TMEFF2: variants seen among roughly 807,000 people sequenced by gnomAD.
TMEFF2 encodes the protein transmembrane protein with EGF like and two follistatin like domains 2, also known as tomoregulin-2.
A neutral mutation model predicts 53.8 loss-of-function variants in TMEFF2; 28 were observed. That is an observed-to-expected ratio of 0.52 (90% CI 0.39 to 0.71). The LOEUF (loss-of-function observed/expected upper bound fraction) is 0.71. Among genes scored for constraint, TMEFF2 ranks in the 30% least tolerant of loss-of-function variants. The pLI is 0.00. For missense variants in TMEFF2, 353 were observed against 455.2 expected (o/e 0.78, Z 2.04); for synonymous variants, 162 against 166.3 (o/e 0.97, Z 0.20).
intron 7 of TMEFF2, among the ~76,000 whole-genome samples, chr2:191,974,251 T>C (rs1209708399): frequency 6.6e-6 from 1 of 152,116 alleles, no homozygotes; most frequent in East Asian, 1.9e-4. Flanking sequence ...CTATAGATAA[T>C]TGAGACAGAA....
chr2:192,101,417 CT>C (rs900171670), intron 4 of TMEFF2, among the ~76,000 whole-genome samples: 2 of 152,060 alleles, frequency 1.3e-5, no homozygotes, highest in Non-Finnish European at 2.9e-5. Context: ...AATATAGTTA[CT>C]TTTTTCTGCA....
At chr2:192,090,411 G>T (rs1376583315) in intron 4 of TMEFF2, among the ~76,000 whole-genome samples, 2 of 152,088 alleles carry the variant, frequency 1.3e-5, no homozygotes, top group East Asian at 3.9e-4. Context: ...TTGGCATCAT[G>T]ACATGTCTTT....
intron 4 of TMEFF2, among the ~76,000 whole-genome samples, chr2:192,114,364 A>G (rs972382326): frequency 6.7e-4 from 102 of 151,990 alleles, no homozygotes; most frequent in African/African-American, 2.4e-3. Context: ...TTAAAAATAT[A>G]AAAATGCAAG....
chr2:191,956,461 G>C, intron 7 of TMEFF2, 83 bp from the exon 8 acceptor site: 1 of 1,434,570 alleles, frequency 7.0e-7, no homozygotes, highest in Non-Finnish European at 9.3e-7. Context: ...GCAAAGCTAT[G>C]GTAGGCAAAG....
chr2:191,966,309 A>G (rs1692470255), intron 7 of TMEFF2, among the ~76,000 whole-genome samples: 1 of 152,170 alleles, frequency 6.6e-6, no homozygotes, highest in South Asian at 2.1e-4. Flanking sequence ...TCTTCTTTCC[A>G]CAGCTTCTGG....
intron 4 of TMEFF2, among the ~76,000 whole-genome samples, chr2:192,082,982 A>G (rs1303423359): frequency 5.4e-5 from 8 of 148,208 alleles, no homozygotes; most frequent in African/African-American, 1.7e-4. Context: ...TTTTCCGAAC[A>G]TGGTCTTTTG....
At chr2:192,007,385 T>A (rs879659595) in intron 5 of TMEFF2, among the ~76,000 whole-genome samples, 1 of 152,090 alleles carries the variant, frequency 6.6e-6, no homozygotes, top group Non-Finnish European at 1.5e-5. Context: ...TGCTCCTACT[T>A]CCTTAAGACT....
At chr2:191,966,008 G>A (rs1185449486) in intron 7 of TMEFF2, among the ~76,000 whole-genome samples, 1 of 151,440 alleles carries the variant, frequency 6.6e-6, no homozygotes, top group Non-Finnish European at 1.5e-5. Flanking sequence ...AAAAAAACTT[G>A]CGTAGTCTCT....
At chr2:192,077,679 T>C (rs568009557) in intron 4 of TMEFF2, among the ~76,000 whole-genome samples, 30 of 152,142 alleles carry the variant, frequency 2.0e-4, no homozygotes, top group African/African-American at 7.0e-4. Flanking sequence ...AATGTCTGAG[T>C]GGATACAGAA....
chr2:192,035,123 T>C (rs755044043), intron 5 of TMEFF2: 3 of 152,226 alleles, frequency 2.0e-5, no homozygotes, highest in Non-Finnish European at 4.4e-5. Context: ...TATGTTGCAG[T>C]AACAAACACC....
intron 4 of TMEFF2, among the ~76,000 whole-genome samples, chr2:192,075,314 T>TATATATATAAATATAAATATAA (rs1371842832): frequency 2.5e-5 from 2 of 79,872 alleles, no homozygotes; most frequent in Non-Finnish European, 5.7e-5. Context: ...TATATATATA[T>TATATATATAAATATAAATATAA]ATATATATAT....
intron 4 of TMEFF2, among the ~76,000 whole-genome samples, chr2:192,075,288 TATATATATATATATATATATATA>T (rs1688385662): frequency 3.5e-4 from 2 of 5,636 alleles, no homozygotes; most frequent in Non-Finnish European, 1.1e-3. Context: ...AGTACTATTA[TATATATATATATATATATATATA>T]TATATATATA....
At chr2:192,148,006 A>T (rs530189243) in intron 4 of TMEFF2, among the ~76,000 whole-genome samples, 1 of 152,058 alleles carries the variant, frequency 6.6e-6, no homozygotes, top group Non-Finnish European at 1.5e-5. Flanking sequence ...TCCTCAATTA[A>T]GGAAAGTCTG....
At position 192,109,920 on chromosome 2, in the gene TMEFF2, G is replaced by A. The variant is rs985265814; in HGVS notation, c.440-52145C>T. 2.0e-5 allele frequency among the ~76,000 whole-genome samples: 3 copies of A among 152,218 alleles called. No homozygotes were observed. In the East Asian group the frequency reaches 5.8e-4, roughly 29 times the overall value. ...ATTCTGGATGAGAGACCTAAGTGAA[G>A]ATTCCATTGGCATATAGATCATAAA... is the stretch of plus-strand genomic sequence containing the variant. On this transcript the variant is annotated intron_variant, in intron 4 of 9. Transcript: ENST00000272771.
At chr2:192,184,256 T>G in intron 3 of TMEFF2, 98 bp downstream of exon 3, 2 of 1,436,650 alleles carry the variant, frequency 1.4e-6, no homozygotes, top group Admixed American at 3.7e-5. Context: ...AGTCAACATA[T>G]AATCTGAATT....
intron 2 of TMEFF2, among the ~76,000 whole-genome samples, chr2:192,189,065 G>A (rs532088836): frequency 4.7e-4 from 71 of 152,090 alleles, no homozygotes; most frequent in Non-Finnish European, 8.1e-4. Flanking sequence ...TATCTCACCG[G>A]GTTGTGAGAA....
chr2:192,071,861 A>G (rs1448820441), intron 4 of TMEFF2, among the ~76,000 whole-genome samples: 1 of 151,916 alleles, frequency 6.6e-6, no homozygotes, highest in African/African-American at 2.4e-5. Context: ...TGGATATGGA[A>G]CCCACAATAC....
rs770408209 is a variant in TMEFF2, at chr2:191,950,264, TGTAGTCCAAGCTCTCG to T, written c.*31_*46del. 3.5e-5 allele frequency: 56 copies of T among 1,609,146 alleles called. No homozygotes were observed. The highest frequency in any genetic ancestry group is 4.3e-5 in the Non-Finnish European group (51 of 1,176,852). On this transcript the variant is annotated 3_prime_UTR_variant, in exon 10 of 10. Coordinates refer to ENST00000272771, the MANE Select transcript of TMEFF2 (RefSeq NM_016192.4). ...TTCTTTTGTCTATAATACTGTATTG[TGTAGTCCAAGCTCTCG>T]GTAGTCCAGCCACTGTGAAACATGC...
In TMEFF2 at chr2:192,065,148, T is replaced by A. The variant is rs76252996; in HGVS notation, c.440-7373A>T. ...TCTAATATTTTCTTTCTTTGTCAGC[T>A]TAGATTTGATAATAGTTAAGGTGTG... On this transcript the variant is annotated intron_variant, in intron 4 of 9. Coordinates refer to ENST00000272771, the MANE Select transcript of TMEFF2 (RefSeq NM_016192.4). Among the ~76,000 whole-genome samples, 587 of 151,966 alleles carry A rather than the reference T, an allele frequency of 3.9e-3. 4 individuals are homozygous for A. Among genetic ancestry groups the A allele is most frequent in the African/African-American group, 0.013 (535 of 41,538 alleles).
Sources: gnomAD v4.1 joint callset for allele counts (sites outside exome capture counted in the v4.1 genomes callset) on GRCh38, gnomAD v4.1.1 for gene constraint, MANE v1.5 for transcripts, NCBI Gene and HGNC (gene_info 2026-07-23, HGNC 2026-07-21) for gene names.